ZNF12: variants seen among roughly 807,000 people sequenced by gnomAD.
ZNF12 encodes gonadotropin inducible transcription repressor 3.
ZNF12 carries 34 observed loss-of-function variants against 66.6 expected under a neutral mutation model. That is an observed-to-expected ratio of 0.51 (90% CI 0.39 to 0.68). ZNF12 has a LOEUF of 0.68. Among genes scored for constraint, ZNF12 ranks in the 30% least tolerant of loss-of-function variants. The pLI, the probability that ZNF12 is intolerant of heterozygous loss-of-function variation, is 0.00. For synonymous variants in ZNF12, 320 were observed against 278.9 expected (o/e 1.15, Z -1.47); for missense variants, 697 against 826.9 (o/e 0.84, Z 1.93).
At position 6,706,601 on chromosome 7, in the gene ZNF12, C is replaced by G. The variant is rs1473546882; in HGVS notation, c.-220G>C. The G allele has an allele frequency of 3.5e-5, 16 of 454,494 alleles. No homozygotes were observed. The highest frequency in any genetic ancestry group is 2.5e-4 in the South Asian group (16 of 64,420). The allele number at this position is 454,494 out of a possible 1,614,324, so 28.2% of individuals were successfully genotyped here. A position where few individuals can be genotyped will look rare whatever the true frequency, so the allele number is the denominator to read the frequency against. ...ACGGGACAAATCCAGGCGGGGCGTC[C>G]CTCCCGGAGCCCAGATCCGTCTCCC... On this transcript the variant is annotated 5_prime_UTR_variant, in exon 1 of 5. Coordinates refer to ENST00000405858, the MANE Select transcript of ZNF12 (RefSeq NM_016265.4).
Position 6,691,474 on chromosome 7 carries a change from C to G in ZNF12, c.1468G>C (p.Glu490Gln). 6.2e-7 allele frequency: 1 copy of G among 1,614,126 alleles called. No individual in the cohort carries two copies. Among genetic ancestry groups the G allele is most frequent in the Non-Finnish European group, 8.5e-7 (1 of 1,179,996 alleles). The change falls in exon 5 of 5, where the codon GAG becomes CAG. Residue 490 changes from glutamate to glutamine, a missense_variant. Glu to Gln is a conservative substitution (Grantham distance 29). This residue lies in a region of ZNF12 where 401 missense variants were observed against 519.0 expected (regional missense o/e 0.77). Transcript: ENST00000405858. ...LMRHQRVHTG[E>Q]KPYECNECGK... ...CATTCATTACATTCGTAAGGTTTCT[C>G]TCCTGTGTGCACTCTCTGATGTCTC...
At chr7:6,694,596 G>T (rs1780126004) in intron 4 of ZNF12, among the ~76,000 whole-genome samples, 1 of 152,156 alleles carries the variant, frequency 6.6e-6, no homozygotes, top group Non-Finnish European at 1.5e-5. Context: ...AGCTGGGAGA[G>T]ATAGGTCATG....
intron 2 of ZNF12, among the ~76,000 whole-genome samples, chr7:6,703,527 G>A (rs1583468834): frequency 6.6e-6 from 1 of 152,168 alleles, no homozygotes; most frequent in East Asian, 1.9e-4. Flanking sequence ...CAGGCTGGAC[G>A]ATGGAACAAT....
chr7:6,700,239 C>A, intron 2 of ZNF12, among the ~76,000 whole-genome samples: 1 of 148,646 alleles, frequency 6.7e-6, no homozygotes, highest in South Asian at 2.1e-4. Context: ...GAGCCGAGAT[C>A]GAGCCACTGT....
At position 6,691,069 on chromosome 7, in the gene ZNF12, G is replaced by A. The variant is rs1364578786; in HGVS notation, c.1873C>T (p.Arg625Ter). 8 of 1,603,812 alleles carry A rather than the reference G, an allele frequency of 5.0e-6. No homozygotes were observed. Among genetic ancestry groups the A allele is most frequent in the Non-Finnish European group, 6.8e-6 (8 of 1,175,906 alleles). The change falls in exon 5 of 5, where the codon CGA (arginine) becomes TGA (stop). Residue 625 changes from arginine to a stop codon, truncating the protein, a stop_gained. Transcript: ENST00000405858. LOFTEE classifies it high-confidence loss of function. ...SQMSYLTIHH[R>*]IHSGEKPFEC... ...AAGGGTTTCTCTCCTGAATGAATTC[G>A]ATGATGTATAGTGAGATAGGACATC...
chr7:6,703,798 C>G (rs997502656), intron 2 of ZNF12, among the ~76,000 whole-genome samples: 4 of 152,182 alleles, frequency 2.6e-5, no homozygotes, highest in African/African-American at 4.8e-5. Context: ...TTTCAGGAAG[C>G]AGGCAAGAAG....
rs1157540596 is a variant in ZNF12, at chr7:6,705,818, C to T, written c.-50-595G>A. Among the ~76,000 whole-genome samples the T allele has an allele frequency of 6.6e-6, 1 of 152,194 alleles. No homozygotes were observed. The highest frequency in any genetic ancestry group is 1.5e-5 in the Non-Finnish European group (1 of 68,026). On this transcript the variant is annotated intron_variant, in intron 1 of 4. Transcript: ENST00000405858. The surrounding 1 kb of genome is among the most constrained non-coding windows in gnomAD (Gnocchi z 4.0). Reference sequence around the variant, plus strand: ...TTTTAAATAAAGATCAGAAAATCCACAGGATGCCCTAAATAAAGGAATACA... The same window carrying T: ...TTTTAAATAAAGATCAGAAAATCCATAGGATGCCCTAAATAAAGGAATACA...
chr7:6,702,121 C>A (rs1038618029), intron 2 of ZNF12, among the ~76,000 whole-genome samples: 1 of 152,106 alleles, frequency 6.6e-6, no homozygotes, highest in African/African-American at 2.4e-5. Context: ...CTTCCTTGGG[C>A]TGGACTCTTA....
chr7:6,692,841 T>C lies in ZNF12; in HGVS notation c.239-138A>G. On this transcript the variant is annotated intron_variant, in intron 4 of 4. Transcript: ENST00000405858. The surrounding 1 kb of genome is among the most constrained non-coding windows in gnomAD (Gnocchi z 5.1). ...ATGAACAGATGAAAATAATTCCAAG[T>C]GTACTCTTCTCCTTTATGCTTTTGC... 2.5e-6 allele frequency: 2 copies of C among 802,284 alleles called. No homozygotes were observed. Among genetic ancestry groups the C allele is most frequent in the South Asian group, 4.6e-5 (2 of 43,160 alleles). 49.7% of individuals were successfully genotyped at this position (802,284 alleles called of 1,614,324 possible).
At chr7:6,694,871 T>C (rs1304277812) in intron 4 of ZNF12, among the ~76,000 whole-genome samples, 2 of 152,248 alleles carry the variant, frequency 1.3e-5, no homozygotes, top group Admixed American at 6.5e-5. Flanking sequence ...CAGCCTTGCA[T>C]TGGAACATCA....
Position 6,692,738 on chromosome 7 carries a change from T to C in ZNF12, c.239-35A>G, listed in dbSNP as rs1246157401. ...GACAAAATTAATAAACTTTTGTACA[T>C]CTTCCTATATATATATGATATGGAA... On this transcript the variant is annotated intron_variant, in intron 4 of 4. Transcript: ENST00000405858. This position sits in a 1 kb window ranked among gnomAD's most constrained non-coding sequence, Gnocchi z 5.1. The C allele has an allele frequency of 6.6e-7, 1 of 1,514,598 alleles. No individual in the cohort carries two copies. The highest frequency in any genetic ancestry group is 8.8e-7 in the Non-Finnish European group (1 of 1,132,764). The allele number at this position is 1,514,598 out of a possible 1,614,324, so 93.8% of individuals were successfully genotyped here. A position where few individuals can be genotyped will look rare whatever the true frequency, so the allele number is the denominator to read the frequency against.
Position 6,689,293 on chromosome 7 carries a change from A to T in ZNF12, c.*1555T>A, listed in dbSNP as rs967803359. The T allele has an allele frequency of 1.3e-5, 2 of 152,228 alleles. No individual in the cohort carries two copies. Among genetic ancestry groups the T allele is most frequent in the African/African-American group, 4.8e-5 (2 of 41,466 alleles). The allele number at this position is 152,228 out of a possible 1,614,324, so 9.4% of individuals were successfully genotyped here. On this transcript the variant is annotated 3_prime_UTR_variant, in exon 5 of 5. Transcript: ENST00000405858. Reference sequence around the variant, plus strand: ...TCAGGCCATGATTAAACTATAATCCATTGCTGAAAGATGGTTACCAGGCAC... The same window carrying T: ...TCAGGCCATGATTAAACTATAATCCTTTGCTGAAAGATGGTTACCAGGCAC...
At position 6,691,452 on chromosome 7, in the gene ZNF12, T is replaced by C; in HGVS notation, c.1490A>G (p.Glu497Gly). 6.2e-7 allele frequency: 1 copy of C among 1,614,138 alleles called. No individual in the cohort carries two copies. Among genetic ancestry groups the C allele is most frequent in the African/African-American group, 1.3e-5 (1 of 75,064 alleles). ...HTGEKPYECN[E>G]CGKLFSQLSY... ...CAACTGGGAGAATAACTTTCCACAT[T>C]CATTACATTCGTAAGGTTTCTCTCC... Residue 497 changes from glutamate to glycine, a missense_variant, in exon 5 of 5, where the codon GAA becomes GGA. By Grantham distance (98) the Glu-to-Gly change is moderately conservative. Transcript: ENST00000405858.
chr7:6,701,702 T>C (rs571089813), intron 2 of ZNF12, among the ~76,000 whole-genome samples: 66 of 152,154 alleles, frequency 4.3e-4, no homozygotes, highest in Non-Finnish European at 7.9e-4. Context: ...ATAGGAATGC[T>C]ATGTCTACCC....
chr7:6,706,484 G>C lies in ZNF12; in HGVS notation c.-103C>G, dbSNP rs1478185372. The stretch of plus-strand genomic sequence containing the variant: ...CACCGCTCCCGACAGGCCGGGGCGG[G>C]ATTGCTGTCGCGGGCGCGCGTCTGC... On this transcript the variant is annotated 5_prime_UTR_variant, in exon 1 of 5. The change creates a new upstream start codon in the 5' untranslated region. Transcript: ENST00000405858. The C allele has an allele frequency of 6.3e-6, 3 of 473,518 alleles. No individual in the cohort carries two copies. The highest frequency in any genetic ancestry group is 4.5e-5 in the Admixed American group (2 of 44,492). The allele number at this position is 473,518 out of a possible 1,614,324, so 29.3% of individuals were successfully genotyped here. A position where few individuals can be genotyped will look rare whatever the true frequency, so the allele number is the denominator to read the frequency against.
chr7:6,698,800 T>G lies in ZNF12; in HGVS notation c.16-989A>C, dbSNP rs1780190259. Among the ~76,000 whole-genome samples the G allele has an allele frequency of 1.3e-5, 2 of 152,320 alleles. No individual in the cohort carries two copies. The highest frequency in any genetic ancestry group is 1.3e-4 in the Admixed American group (2 of 15,294). On this transcript the variant is annotated intron_variant, in intron 2 of 4. Transcript: ENST00000405858. The surrounding 1 kb of genome is among the most constrained non-coding windows in gnomAD (Gnocchi z 4.4). ...TCAAAACCACATCTATAAATGTGTATCTTTTGAATAAAGTGTCCCATTCAC... is the reference window on the plus strand; with the variant it reads ...TCAAAACCACATCTATAAATGTGTAGCTTTTGAATAAAGTGTCCCATTCAC...
At position 6,692,886 on chromosome 7, in the gene ZNF12, AACAC is replaced by A. The variant is rs3839710; in HGVS notation, c.239-187_239-184del. On this transcript the variant is annotated intron_variant, in intron 4 of 4. Transcript: ENST00000405858. The surrounding 1 kb of genome is among the most constrained non-coding windows in gnomAD (Gnocchi z 5.1). Reference sequence around the variant, plus strand: ...TTTTGCTTAAAATTACACACACACAAACACACACACACACACACATCCCCCTCTA... The same window carrying A: ...TTTTGCTTAAAATTACACACACACAAACACACACACACACATCCCCCTCTA... 2.0e-5 allele frequency among the ~76,000 whole-genome samples: 3 copies of A among 150,076 alleles called. No individual in the cohort carries two copies. Among genetic ancestry groups the A allele is most frequent in the Non-Finnish European group, 4.5e-5 (3 of 67,232 alleles).
Position 6,692,282 on chromosome 7 carries a change from A to G in ZNF12, c.660T>C (p.Ile220=), listed in dbSNP as rs1238822712. The change falls in exon 5 of 5, where the codon ATT becomes ATC. Residue 220 remains isoleucine (I), a synonymous_variant. Coordinates refer to ENST00000405858, the MANE Select transcript of ZNF12 (RefSeq NM_016265.4). This position sits in a 1 kb window ranked among gnomAD's most constrained non-coding sequence, Gnocchi z 5.1. ...CCTTTTGGAAGGCTTTCTGGCATTC[A>G]ATATATTCAAAAGGTTTCTCCAAAA... ...IRILEKPFEY[I]ECQKAFQKDT... 2 of 1,613,084 alleles carry G rather than the reference A, an allele frequency of 1.2e-6. No individual in the cohort carries two copies. The highest frequency in any genetic ancestry group is 1.7e-5 in the Admixed American group (1 of 59,806).
rs1278016609 is a variant in ZNF12 at position 6,705,469 on chromosome 7, C to G, written c.-50-246G>C. Among the ~76,000 whole-genome samples, 1 of 152,210 alleles carries G rather than the reference C, an allele frequency of 6.6e-6. No individual in the cohort carries two copies. Among genetic ancestry groups the G allele is most frequent in the South Asian group, 2.1e-4 (1 of 4,830 alleles). ...CATGGTGAATGAATACTGGATCCTA[C>G]TGAAATAATCTGCCATCATTAAATG... is the stretch of plus-strand genomic sequence containing the variant. On this transcript the variant is annotated intron_variant, in intron 1 of 4. Transcript: ENST00000405858. This position sits in a 1 kb window ranked among gnomAD's most constrained non-coding sequence, Gnocchi z 4.0.
Sources: allele counts gnomAD v4.1 joint callset (sites outside exome capture counted in the v4.1 genomes callset), GRCh38; gene constraint gnomAD v4.1.1; regional missense constraint gnomAD v4.1.1; non-coding constraint Gnocchi (gnomAD v3.1); transcripts MANE v1.5; gene names NCBI Gene and HGNC (gene_info 2026-07-23, HGNC 2026-07-21).